The following PDK4 variants were observed in gnomAD, a reference collection of about 807,000 sequenced individuals.
PDK4 encodes the protein pyruvate dehydrogenase kinase 4.
A neutral mutation model predicts 51.7 loss-of-function variants in PDK4; 43 were observed. That is an observed-to-expected ratio of 0.83 (90% CI 0.65 to 1.07). PDK4 has a LOEUF of 1.07. Among genes scored for constraint, PDK4 ranks in the 50% least tolerant of loss-of-function variants. PDK4 has a pLI of 0.00. For synonymous variants in PDK4, 170 were observed against 176.6 expected (o/e 0.96, Z 0.30); for missense variants, 498 against 503.5 (o/e 0.99, Z 0.10).
At chr7:95,594,982 CTG>C (rs773137431) in intron 2 of PDK4, 39 bp downstream of exon 2, 1 of 1,481,490 alleles carries the variant, frequency 6.7e-7, no homozygotes, top group Admixed American at 1.8e-5. Flanking sequence ...ACCCGGGTAA[CTG>C]TTTCAAAACT....
chr7:95,593,624 G>T, intron 3 of PDK4, 75 bp downstream of exon 3: 4 of 751,522 alleles, frequency 5.3e-6, no homozygotes, highest in Middle Eastern at 2.4e-4. Flanking sequence ...CTTTAATTTA[G>T]GTCTAAAAAT....
Position 95,585,578 on chromosome 7 carries a change from A to AT in PDK4, c.*62dup. The AT allele has an allele frequency of 7.0e-7, 1 of 1,435,444 alleles. No individual in the cohort carries two copies. Among genetic ancestry groups the AT allele is most frequent in the Non-Finnish European group, 9.5e-7 (1 of 1,053,016 alleles). The allele number at this position is 1,435,444 out of a possible 1,614,324, so 88.9% of individuals were successfully genotyped here. A position where few individuals can be genotyped will look rare whatever the true frequency, so the allele number is the denominator to read the frequency against. On this transcript the variant is annotated 3_prime_UTR_variant, in exon 11 of 11. Coordinates refer to ENST00000005178, the MANE Select transcript of PDK4 (RefSeq NM_002612.4). ...AGGAAACAAGGGTTCACACACAAAC[A>AT]TTCAGGAAGCAGCACTGGTGTAGAC...
Position 95,592,516 on chromosome 7 carries a change from A to G in PDK4, c.611T>C (p.Val204Ala). 1 of 1,587,146 alleles carries G rather than the reference A, an allele frequency of 6.3e-7. No individual in the cohort carries two copies. Among genetic ancestry groups the G allele is most frequent in the Non-Finnish European group, 8.7e-7 (1 of 1,155,454 alleles). Residue 204 changes from valine (V) to alanine (A), a missense_variant, in exon 5 of 11, where the codon GTC becomes GCC. By Grantham distance (64) the Val-to-Ala change is moderately conservative. Coordinates refer to ENST00000005178, the MANE Select transcript of PDK4 (RefSeq NM_002612.4). ...TGCAGAAATACAGAACATACCTTGG[A>G]CCACTGCTACCACATCACAGTTAGG... Reference protein sequence around the residue: ...IDPNCDVVAVVQDAFECSRML... With the variant: ...IDPNCDVVAVAQDAFECSRML...
chr7:95,587,403 T>G lies in PDK4; in HGVS notation c.981+15A>C. On this transcript the variant is annotated intron_variant, in intron 9 of 10. Transcript: ENST00000005178. ...TAGGTGGCTGAGATTAATTTAGCCA[T>G]ATAATTGTTCTTACCAAAGGAGCAT... 1.4e-6 allele frequency: 2 copies of G among 1,435,858 alleles called. No homozygotes were observed. The highest frequency in any genetic ancestry group is 2.0e-6 in the Non-Finnish European group (2 of 1,017,400). The allele number at this position is 1,435,858 out of a possible 1,614,324, so 88.9% of individuals were successfully genotyped here. A position where few individuals can be genotyped will look rare whatever the true frequency, so the allele number is the denominator to read the frequency against.
chr7:95,595,673 T>C (rs1791610103), intron 1 of PDK4, among the ~76,000 whole-genome samples: 1 of 152,104 alleles, frequency 6.6e-6, no homozygotes, highest in Non-Finnish European at 1.5e-5. Flanking sequence ...AATGCAAATA[T>C]ATGGAAAACT....
At position 95,585,148 on chromosome 7, in the gene PDK4, A is replaced by G. The variant is rs1273423769; in HGVS notation, c.*493T>C. On this transcript the variant is annotated 3_prime_UTR_variant, in exon 11 of 11. Coordinates refer to ENST00000005178, the MANE Select transcript of PDK4 (RefSeq NM_002612.4). ...ATTTTAGTCACCAGCATTTCCTTCCATAGCACATAAATATGTTCAAAATGT... is the reference window on the plus strand; with the variant it reads ...ATTTTAGTCACCAGCATTTCCTTCCGTAGCACATAAATATGTTCAAAATGT... The G allele has an allele frequency of 1.3e-5, 2 of 152,314 alleles. No homozygotes were observed. The highest frequency in any genetic ancestry group is 2.9e-5 in the Non-Finnish European group (2 of 68,102). 9.4% of individuals were successfully genotyped at this position (152,314 alleles called of 1,614,324 possible).
chr7:95,588,873 C>A (rs1174953564), intron 7 of PDK4, among the ~76,000 whole-genome samples: 1 of 152,192 alleles, frequency 6.6e-6, no homozygotes, highest in African/African-American at 2.4e-5. Context: ...ACATCTGTAT[C>A]CTTTGAGAGC....
At chr7:95,590,371 C>A (rs1313958937) in intron 6 of PDK4, among the ~76,000 whole-genome samples, 3 of 151,390 alleles carry the variant, frequency 2.0e-5, no homozygotes, top group African/African-American at 7.3e-5. Context: ...TAAAATTTTA[C>A]CAAGAGGATA....
At chr7:95,586,129 A>G (rs1031717499) in intron 10 of PDK4, among the ~76,000 whole-genome samples, 2 of 152,174 alleles carry the variant, frequency 1.3e-5, no homozygotes, top group Non-Finnish European at 2.9e-5. Flanking sequence ...AAATGAACAG[A>G]ATCAAGACAG....
At chr7:95,588,247 A>C (rs188866962) in intron 7 of PDK4, among the ~76,000 whole-genome samples, 1 of 152,344 alleles carries the variant, frequency 6.6e-6, no homozygotes, top group Admixed American at 6.5e-5. Flanking sequence ...GCTTTCATAA[A>C]ACTTGCTGTG....
chr7:95,586,472 C>T (rs1323910607), intron 10 of PDK4, among the ~76,000 whole-genome samples: 1 of 152,086 alleles, frequency 6.6e-6, no homozygotes, highest in Non-Finnish European at 1.5e-5. Flanking sequence ...GGATTACAAG[C>T]GTGAGCCACT....
rs1160492178 is a variant in PDK4 at position 95,583,564 on chromosome 7, CA to C, written c.*2076del. The C allele has an allele frequency of 2.1e-4, 32 of 152,172 alleles. 1 individual carries two copies. The East Asian group carries it at 5.8e-3, about 28-fold the overall frequency. 9.4% of individuals were successfully genotyped at this position (152,172 alleles called of 1,614,324 possible). ...CATTTCTCTGTACATAGCATAAAGACAAAAACACAATGTATACATTAATAAT... is the reference window on the plus strand; with the variant it reads ...CATTTCTCTGTACATAGCATAAAGACAAAACACAATGTATACATTAATAAT... On this transcript the variant is annotated 3_prime_UTR_variant, in exon 11 of 11. Coordinates refer to ENST00000005178, the MANE Select transcript of PDK4 (RefSeq NM_002612.4).
intron 6 of PDK4, among the ~76,000 whole-genome samples, chr7:95,591,147 G>A (rs1791547866): frequency 6.6e-6 from 1 of 152,022 alleles, no homozygotes; most frequent in African/African-American, 2.4e-5. Context: ...TATTGCCCAG[G>A]CTGGTCTTGA....
rs1189127210 is a variant in PDK4, at chr7:95,583,751, T to C, written c.*1890A>G. 6.6e-6 allele frequency: 1 copy of C among 152,650 alleles called. No homozygotes were observed. Among genetic ancestry groups the C allele is most frequent in the African/African-American group, 2.4e-5 (1 of 41,454 alleles). 9.5% of individuals were successfully genotyped at this position (152,650 alleles called of 1,614,324 possible). A position where few individuals can be genotyped will look rare whatever the true frequency, so the allele number is the denominator to read the frequency against. ...TTTCTTTTTTCTAGTGTTTTAGAGA[T>C]AGTTCACAGTATTTGAGTTAATTAA... On this transcript the variant is annotated 3_prime_UTR_variant, in exon 11 of 11. Coordinates refer to ENST00000005178, the MANE Select transcript of PDK4 (RefSeq NM_002612.4).
rs1791450055 is a variant in PDK4, at chr7:95,584,242, A to G, written c.*1399T>C. On this transcript the variant is annotated 3_prime_UTR_variant, in exon 11 of 11. Transcript: ENST00000005178. ...ACCAGTTCTTCCTCTTGCCAATGACATATCCCAGAAAATACAGATTTTTTT... is the reference window on the plus strand; with the variant it reads ...ACCAGTTCTTCCTCTTGCCAATGACGTATCCCAGAAAATACAGATTTTTTT... 6.6e-6 allele frequency: 1 copy of G among 152,164 alleles called. No homozygotes were observed. Among genetic ancestry groups the G allele is most frequent in the Non-Finnish European group, 1.5e-5 (1 of 68,038 alleles). The allele number at this position is 152,164 out of a possible 1,614,324, so 9.4% of individuals were successfully genotyped here.
Position 95,587,111 on chromosome 7 carries a change from A to G in PDK4, c.994T>C (p.Tyr332His), listed in dbSNP as rs1791492972. 2 of 1,600,268 alleles carry G rather than the reference A, an allele frequency of 1.2e-6. No homozygotes were observed. The highest frequency in any genetic ancestry group is 2.7e-5 in the African/African-American group (2 of 74,746). The change falls in exon 10 of 11, where the codon TAC becomes CAC. Residue 332 changes from tyrosine (Y) to histidine (H), a missense_variant. By Grantham distance (83) the Tyr-to-His change is moderately conservative. Coordinates refer to ENST00000005178, the MANE Select transcript of PDK4 (RefSeq NM_002612.4). ...TACAGACGAGAAATTGGCAAGCCGT[A>G]ACCAAAACCAGCCTAGAGAAGAGAG... ...SRNAPLAGFG[Y>H]GLPISRLYAK...
chr7:95,587,735 TA>T lies in PDK4; in HGVS notation c.861del (p.Thr288ProfsTer13), dbSNP rs1474586512. On this transcript the variant is annotated frameshift_variant, in exon 8 of 11. Coordinates refer to ENST00000005178, the MANE Select transcript of PDK4 (RefSeq NM_002612.4). LOFTEE classifies it high-confidence loss of function. The part of the protein sequence containing the change: ...EVIVVLGKED[L>X]TIKISDRGGG... The stretch of plus-strand genomic sequence containing the variant: ...AAACAGAGAATGGTTACCTTAATGG[TA>T]AGGTCTTCTTTTCCCAAGACAACAA... The T allele has an allele frequency of 1.2e-6, 2 of 1,602,812 alleles. No homozygotes were observed. The highest frequency in any genetic ancestry group is 2.7e-5 in the African/African-American group (2 of 74,834).
chr7:95,593,216 T>C (rs896765254), intron 3 of PDK4, among the ~76,000 whole-genome samples: 1 of 152,082 alleles, frequency 6.6e-6, no homozygotes, highest in Non-Finnish European at 1.5e-5. Flanking sequence ...ATTCATTAAG[T>C]CTTCTCTTTA....
chr7:95,587,152 G>A lies in PDK4; in HGVS notation c.982-29C>T, dbSNP rs769786800. 13 of 1,292,218 alleles carry A rather than the reference G, an allele frequency of 1.0e-5. No homozygotes were observed. The South Asian group carries it at 1.6e-4, about 16-fold the overall frequency. 80.0% of individuals were successfully genotyped at this position (1,292,218 alleles called of 1,614,324 possible). A position where few individuals can be genotyped will look rare whatever the true frequency, so the allele number is the denominator to read the frequency against. On this transcript the variant is annotated intron_variant, in intron 9 of 10. Coordinates refer to ENST00000005178, the MANE Select transcript of PDK4 (RefSeq NM_002612.4). ...GAGAAGAGAGACGTTATCAGGTAAA[G>A]AAGTGTATGTGATCACTGAAATACA...
Sources: allele counts gnomAD v4.1 joint callset (sites outside exome capture counted in the v4.1 genomes callset), GRCh38; gene constraint gnomAD v4.1.1; transcripts MANE v1.5; gene names NCBI Gene and HGNC (gene_info 2026-07-23, HGNC 2026-07-21).